PDZRN4: variants seen among roughly 807,000 people sequenced by gnomAD.
PDZRN4 encodes the protein PDZ domain-containing RING finger protein 4.
Under a neutral mutation model 99.0 loss-of-function variants are expected in PDZRN4, and 70 were observed. That is an observed-to-expected ratio of 0.71 (90% CI 0.58 to 0.86). The LOEUF (loss-of-function observed/expected upper bound fraction) is 0.86, where lower values mean the gene tolerates loss of function less well. Among genes scored for constraint, PDZRN4 ranks in the 40% least tolerant of loss-of-function variants. The pLI is 0.00. For missense variants in PDZRN4, 1,474 were observed against 1,331.2 expected, an observed-to-expected ratio of 1.11 and a Z score of -1.67; for synonymous variants, 551 against 501.6, an observed-to-expected ratio of 1.10 and a Z score of -1.32.
At chr12:41,360,872 G>A (rs1036088098) in intron 3 of PDZRN4, among the ~76,000 whole-genome samples, 1 of 151,804 alleles carries the variant, frequency 6.6e-6, no homozygotes, top group Non-Finnish European at 1.5e-5. Context: ...CTACCTTATT[G>A]CAGGGTTACC....
chr12:41,573,262 C>T lies in PDZRN4; in HGVS notation c.2483C>T (p.Pro828Leu), dbSNP rs373546139. The change falls in exon 10 of 10, where the codon CCT becomes CTT. Residue 828 changes from proline to leucine, a missense_variant. Pro to Leu is a moderately conservative substitution (Grantham distance 98). Transcript: ENST00000402685. ...GAGAAGGCAGTCAGCGAACACATCCCTTACCTCTCTCCTTACCACAGCTCC... is the reference window on the plus strand; with the variant it reads ...GAGAAGGCAGTCAGCGAACACATCCTTTACCTCTCTCCTTACCACAGCTCC... ...DQEKAVSEHI[P>L]YLSPYHSSSY... 3.1e-6 allele frequency: 5 copies of T among 1,613,924 alleles called. No individual in the cohort carries two copies. Among genetic ancestry groups the T allele is most frequent in the East Asian group, 2.2e-5 (1 of 44,856 alleles).
intron 3 of PDZRN4, among the ~76,000 whole-genome samples, chr12:41,450,006 T>C (rs987203900): frequency 1.3e-5 from 2 of 152,142 alleles, no homozygotes; most frequent in Non-Finnish European, 2.9e-5. Flanking sequence ...TGATGATGCC[T>C]TTGGGCTTCA....
chr12:41,512,732 G>C (rs964845816), intron 5 of PDZRN4, among the ~76,000 whole-genome samples: 3 of 152,076 alleles, frequency 2.0e-5, no homozygotes, highest in Non-Finnish European at 4.4e-5. Flanking sequence ...GAGAGGGAGT[G>C]GGGTATTGGA....
Position 41,572,652 on chromosome 12 carries a change from G to A in PDZRN4, c.1873G>A (p.Glu625Lys), listed in dbSNP as rs756078987. The A allele has an allele frequency of 3.7e-6, 6 of 1,614,058 alleles. No individual in the cohort carries two copies. The highest frequency in any genetic ancestry group is 5.1e-6 in the Non-Finnish European group (6 of 1,180,026). ...CATTGGCAACCCAGATGAGGACTGTGAAAGATTCAGGCAGCTCTTGGAGCT... is the reference window on the plus strand; with the variant it reads ...CATTGGCAACCCAGATGAGGACTGTAAAAGATTCAGGCAGCTCTTGGAGCT... ...DCIGNPDEDCERFRQLLELKC... is the reference protein window; with the variant it reads ...DCIGNPDEDCKRFRQLLELKC... The change falls in exon 10 of 10, where the codon GAA becomes AAA. Residue 625 changes from glutamate to lysine, a missense_variant. Coordinates refer to ENST00000402685, the MANE Select transcript of PDZRN4 (RefSeq NM_001164595.2).
At chr12:41,565,606 T>C (rs184963552) in intron 8 of PDZRN4, among the ~76,000 whole-genome samples, 2 of 152,202 alleles carry the variant, frequency 1.3e-5, no homozygotes, top group East Asian at 3.9e-4. Context: ...TTTTTAACGT[T>C]TCAAATACTC....
At chr12:41,350,432 C>T (rs534396118) in intron 3 of PDZRN4, among the ~76,000 whole-genome samples, 3 of 151,946 alleles carry the variant, frequency 2.0e-5, no homozygotes, top group East Asian at 1.9e-4. Flanking sequence ...TTTAAAAGTC[C>T]TTAAAGCACT....
rs116892766 is a variant in PDZRN4, at chr12:41,436,224, C to T, written c.844-70232C>T. ...CTTTCATGTAGGTCTCTCAGCTTGG[C>T]TTTCATCCAGGCTGTTAGGTGAAAT... is the stretch of plus-strand genomic sequence containing the variant. On this transcript the variant is annotated intron_variant, in intron 3 of 9. Coordinates refer to ENST00000402685, the MANE Select transcript of PDZRN4 (RefSeq NM_001164595.2). Among the ~76,000 whole-genome samples, 67 of 152,282 alleles carry T rather than the reference C, an allele frequency of 4.4e-4. No homozygotes were observed. The East Asian group carries it at 0.01, about 24-fold the overall frequency.
chr12:41,378,660 T>C (rs1398466294), intron 3 of PDZRN4, among the ~76,000 whole-genome samples: 1 of 151,810 alleles, frequency 6.6e-6, no homozygotes, highest in Non-Finnish European at 1.5e-5. Flanking sequence ...GTAGCTGGGA[T>C]TACAGGTGCA....
At chr12:41,221,536 G>A (rs1950956132) in intron 3 of PDZRN4, among the ~76,000 whole-genome samples, 2 of 152,002 alleles carry the variant, frequency 1.3e-5, no homozygotes. Flanking sequence ...TTTATTACCT[G>A]TGTTTGGCAA....
At chr12:41,391,598 G>T (rs752625330) in intron 3 of PDZRN4, among the ~76,000 whole-genome samples, 20 of 152,112 alleles carry the variant, frequency 1.3e-4, no homozygotes, top group Non-Finnish European at 2.1e-4. Flanking sequence ...GGAACATTTT[G>T]AAATGATTAT....
chr12:41,502,421 T>C (rs760273969), intron 3 of PDZRN4, among the ~76,000 whole-genome samples: 3 of 152,168 alleles, frequency 2.0e-5, no homozygotes, highest in Non-Finnish European at 4.4e-5. Context: ...TATGCTTAAA[T>C]CAAATTGCTC....
chr12:41,308,662 C>T (rs1160453609), intron 3 of PDZRN4, among the ~76,000 whole-genome samples: 1 of 151,956 alleles, frequency 6.6e-6, no homozygotes, highest in Non-Finnish European at 1.5e-5. Context: ...GTCAAATAAC[C>T]CAAGAATATA....
intron 3 of PDZRN4, among the ~76,000 whole-genome samples, chr12:41,335,693 A>G (rs1592017097): frequency 1.3e-5 from 2 of 152,096 alleles, no homozygotes; most frequent in African/African-American, 2.4e-5. Context: ...ACTTCTGCTC[A>G]GTAGTGGGAA....
chr12:41,531,992 T>TA (rs1014566895), intron 5 of PDZRN4, among the ~76,000 whole-genome samples: 3 of 152,138 alleles, frequency 2.0e-5, no homozygotes, highest in East Asian at 3.8e-4. Flanking sequence ...CTATCTAGTC[T>TA]AAAAAAATCT....
intron 3 of PDZRN4, among the ~76,000 whole-genome samples, chr12:41,409,097 A>G (rs1457102600): frequency 6.6e-6 from 1 of 152,212 alleles, no homozygotes; most frequent in Non-Finnish European, 1.5e-5. Context: ...CAATAGAGAT[A>G]AGAACTATGA....
At chr12:41,429,227 G>T (rs1446692924) in intron 3 of PDZRN4, among the ~76,000 whole-genome samples, 1 of 152,042 alleles carries the variant, frequency 6.6e-6, no homozygotes, top group Non-Finnish European at 1.5e-5. Context: ...AGTAGCTGTT[G>T]ATTATTCCTT....
intron 3 of PDZRN4, among the ~76,000 whole-genome samples, chr12:41,197,718 A>G: frequency 6.6e-6 from 1 of 152,114 alleles, no homozygotes; most frequent in South Asian, 2.1e-4. Context: ...AATCAAAGGA[A>G]TCACAGAAAA....
intron 5 of PDZRN4, among the ~76,000 whole-genome samples, chr12:41,512,625 T>A (rs1445174634): frequency 6.6e-6 from 1 of 152,028 alleles, no homozygotes; most frequent in Non-Finnish European, 1.5e-5. Context: ...GAAGTTGCTT[T>A]GACTCTGAGA....
intron 3 of PDZRN4, among the ~76,000 whole-genome samples, chr12:41,429,116 T>C (rs1320593719): frequency 6.6e-6 from 1 of 152,156 alleles, no homozygotes; most frequent in African/African-American, 2.4e-5. Context: ...AATTGATGGG[T>C]CTGAAATTAA....
Sources: allele counts gnomAD v4.1 joint callset (sites outside exome capture counted in the v4.1 genomes callset), GRCh38; gene constraint gnomAD v4.1.1; transcripts MANE v1.5; gene names NCBI Gene and HGNC (gene_info 2026-07-23, HGNC 2026-07-21).